The following KCNH5 variants were observed in gnomAD, a reference collection of about 807,000 sequenced individuals.
The protein encoded by KCNH5 is voltage-gated delayed rectifier potassium channel KCNH5.
In KCNH5, 46 loss-of-function variants were observed where a neutral mutation model predicts 96.1. The observed-to-expected ratio is 0.48, with a 90% CI of 0.38 to 0.61. The LOEUF (loss-of-function observed/expected upper bound fraction) is 0.61. Ranked by LOEUF, KCNH5 falls within the 20% of genes least tolerant of loss-of-function variation. The pLI is 0.00. For missense variants in KCNH5, 907 were observed against 1,225.8 expected, an observed-to-expected ratio of 0.74 and a Z score of 3.88; for synonymous variants, 439 against 449.8, an observed-to-expected ratio of 0.98 and a Z score of 0.30.
intron 7 of KCNH5, among the ~76,000 whole-genome samples, chr14:62,857,085 C>G (rs914036230): frequency 6.6e-6 from 1 of 152,048 alleles, no homozygotes; most frequent in Non-Finnish European, 1.5e-5. Flanking sequence ...TAGAGCTGAT[C>G]CTGTGATTAC....
At chr14:62,961,876 G>T (rs1346766936) in intron 6 of KCNH5, among the ~76,000 whole-genome samples, 2 of 151,938 alleles carry the variant, frequency 1.3e-5, no homozygotes, top group Non-Finnish European at 2.9e-5. Flanking sequence ...AGATGCAAAT[G>T]CAGAAGGAGA....
At chr14:62,728,225 CA>C (rs5809166) in intron 10 of KCNH5, among the ~76,000 whole-genome samples, 110,194 of 144,428 alleles carry the variant, frequency 0.76, 43,751 homozygotes, top group Non-Finnish European at 0.9. Context: ...TATTAAACTA[CA>C]AAAAAAAAAA....
chr14:63,044,530 C>G (rs900450367), intron 1 of KCNH5, among the ~76,000 whole-genome samples: 3 of 152,130 alleles, frequency 2.0e-5, no homozygotes, highest in African/African-American at 7.2e-5. Flanking sequence ...AAACTTGAAG[C>G]ACCAATTTGT....
chr14:62,862,542 C>T (rs1332966660), intron 7 of KCNH5, among the ~76,000 whole-genome samples: 1 of 152,162 alleles, frequency 6.6e-6, no homozygotes. Context: ...AAGATGGAAT[C>T]TATTTCCTTG....
intron 10 of KCNH5, among the ~76,000 whole-genome samples, chr14:62,729,125 C>T (rs547782121): frequency 6.6e-6 from 1 of 152,276 alleles, no homozygotes; most frequent in South Asian, 2.1e-4. Flanking sequence ...AGCTCATATG[C>T]TAGTCCTTGG....
chr14:62,881,415 A>G (rs551441399), intron 7 of KCNH5, among the ~76,000 whole-genome samples: 115 of 152,122 alleles, frequency 7.6e-4, no homozygotes, highest in Admixed American at 1.6e-3. Flanking sequence ...TTTTCCTGAT[A>G]CATAACTGAT....
intron 6 of KCNH5, among the ~76,000 whole-genome samples, chr14:62,975,009 CATT>C (rs1369991648): frequency 6.6e-6 from 1 of 152,130 alleles, no homozygotes; most frequent in African/African-American, 2.4e-5. Context: ...TCCCTTTTCC[CATT>C]TATTCCTTAT....
At chr14:62,920,614 G>T (rs1241888072) in intron 7 of KCNH5, among the ~76,000 whole-genome samples, 1 of 152,002 alleles carries the variant, frequency 6.6e-6, no homozygotes, top group East Asian at 1.9e-4. Context: ...ATTCAGTGTT[G>T]TTCTGGGTTC....
chr14:62,989,468 C>T (rs1890770424), intron 4 of KCNH5, among the ~76,000 whole-genome samples: 1 of 152,050 alleles, frequency 6.6e-6, no homozygotes, highest in African/African-American at 2.4e-5. Flanking sequence ...CGTATTTTCA[C>T]ATGTTACAAT....
chr14:62,961,804 GGAGATGGAGATGGAGATGCAGATA>G (rs1377517163), intron 6 of KCNH5, among the ~76,000 whole-genome samples: 1 of 151,172 alleles, frequency 6.6e-6, no homozygotes, highest in African/African-American at 2.5e-5. Context: ...AGATGCAGAT[GGAGATGGAGATGGAGATGCAGATA>G]GAGATGGAGA....
chr14:62,708,209 A>G lies in KCNH5; in HGVS notation c.2266T>C (p.Ser756Pro). The change falls in exon 11 of 11, where the codon TCA becomes CCA. Residue 756 changes from serine to proline, a missense_variant. Ser to Pro is a moderately conservative substitution (Grantham distance 74). Coordinates refer to ENST00000322893, the MANE Select transcript of KCNH5 (RefSeq NM_139318.5). Reference sequence around the variant, plus strand: ...GACGTCTGAATGGGAGTAATCTGTGACACAGTCACCACGCTGGTTCCGGTG... The same window carrying G: ...GACGTCTGAATGGGAGTAATCTGTGGCACAGTCACCACGCTGGTTCCGGTG... The part of the protein sequence containing the change: ...SITGTSVVTV[S>P]QITPIQTSLA... The G allele has an allele frequency of 6.2e-7, 1 of 1,614,204 alleles. No individual in the cohort carries two copies. Among genetic ancestry groups the G allele is most frequent in the South Asian group, 1.1e-5 (1 of 91,090 alleles).
chr14:63,019,538 A>G (rs1182002994), intron 1 of KCNH5, among the ~76,000 whole-genome samples: 1 of 152,070 alleles, frequency 6.6e-6, no homozygotes. Flanking sequence ...AGGCCCTCAC[A>G]TACAACGTCA....
chr14:62,901,405 T>C (rs1888923122), intron 7 of KCNH5, among the ~76,000 whole-genome samples: 1 of 152,074 alleles, frequency 6.6e-6, no homozygotes, highest in Admixed American at 6.5e-5. Context: ...TAGAACCCAG[T>C]TTCTATTACT....
intron 6 of KCNH5, among the ~76,000 whole-genome samples, chr14:62,969,757 ATTTTTTTT>A (rs779644836): frequency 8.8e-6 from 1 of 113,920 alleles, no homozygotes; most frequent in African/African-American, 3.5e-5. Flanking sequence ...AATAAAATTA[ATTTTTTTT>A]TTTTTTTTTT....
At chr14:62,814,029 C>T (rs889759017) in intron 8 of KCNH5, among the ~76,000 whole-genome samples, 4 of 152,082 alleles carry the variant, frequency 2.6e-5, no homozygotes, top group African/African-American at 9.7e-5. Context: ...AAAACCAAAC[C>T]AAATTAACTT....
At chr14:63,014,007 T>C (rs1891277999) in intron 2 of KCNH5, among the ~76,000 whole-genome samples, 1 of 152,184 alleles carries the variant, frequency 6.6e-6, no homozygotes, top group Non-Finnish European at 1.5e-5. Flanking sequence ...TTTGTTCATA[T>C]ATCAGATGCT....
At chr14:62,843,952 A>G (rs1887641368) in intron 8 of KCNH5, among the ~76,000 whole-genome samples, 1 of 152,224 alleles carries the variant, frequency 6.6e-6, no homozygotes, top group Non-Finnish European at 1.5e-5. Context: ...AACTGTCAAA[A>G]GGAAATTAAC....
chr14:62,906,861 A>T (rs1322725183), intron 7 of KCNH5, among the ~76,000 whole-genome samples: 1 of 152,192 alleles, frequency 6.6e-6, no homozygotes, highest in Non-Finnish European at 1.5e-5. Flanking sequence ...TGTACTTGAG[A>T]AGGAATCAGA....
chr14:62,852,509 CA>C (rs1887826366), intron 7 of KCNH5, among the ~76,000 whole-genome samples: 2 of 152,086 alleles, frequency 1.3e-5, no homozygotes, highest in South Asian at 4.1e-4. Context: ...CAGCTTCTCG[CA>C]AGGATGACAT....
Sources: allele counts gnomAD v4.1 joint callset (sites outside exome capture counted in the v4.1 genomes callset), GRCh38; gene constraint gnomAD v4.1.1; transcripts MANE v1.5; gene names NCBI Gene and HGNC (gene_info 2026-07-23, HGNC 2026-07-21).